Variants in SMURF2 observed in about 807,000 individuals in gnomAD.
SMURF2 encodes the protein SMAD specific E3 ubiquitin protein ligase 2.
SMURF2 carries 48 observed loss-of-function variants against 109.6 expected under a neutral mutation model. The observed-to-expected ratio is 0.44, with a 90% CI of 0.35 to 0.56. The LOEUF is 0.56. Among genes scored for constraint, SMURF2 ranks in the 20% least tolerant of loss-of-function variants. The pLI, the probability that SMURF2 is intolerant of heterozygous loss-of-function variation, is 0.01. For missense variants in SMURF2, 575 were observed against 909.0 expected (o/e 0.63, Z 4.72); for synonymous variants, 288 against 317.1 (o/e 0.91, Z 0.97).
chr17:64,587,470 CCTT>C (rs541344591), intron 5 of SMURF2, among the ~76,000 whole-genome samples: 2 of 152,284 alleles, frequency 1.3e-5, no homozygotes, highest in South Asian at 2.1e-4. Flanking sequence ...TCTCTGAAGT[CCTT>C]CTTTGCCACT....
Position 64,578,436 on chromosome 17 carries a change from A to G in SMURF2, c.857+56T>C, listed in dbSNP as rs1484323797. 3 of 1,162,260 alleles carry G rather than the reference A, an allele frequency of 2.6e-6. No homozygotes were observed. The Admixed American group carries it at 6.6e-5, about 25-fold the overall frequency. The allele number at this position is 1,162,260 out of a possible 1,614,324, so 72.0% of individuals were successfully genotyped here. On this transcript the variant is annotated intron_variant, in intron 9 of 18. Transcript: ENST00000262435. ...TAAAAATTTCTTAAAAATCAAAGAA[A>G]TCCTAGGTGAAATGGCTCTTTGATG...
intron 1 of SMURF2, among the ~76,000 whole-genome samples, chr17:64,655,814 G>T (rs1269455017): frequency 1.3e-5 from 2 of 152,124 alleles, no homozygotes; most frequent in Non-Finnish European, 2.9e-5. Context: ...AGAATCACTT[G>T]AACCCAGGGG....
chr17:64,637,172 G>A (rs1970428629), intron 1 of SMURF2, among the ~76,000 whole-genome samples: 1 of 151,482 alleles, frequency 6.6e-6, no homozygotes, highest in African/African-American at 2.4e-5. Context: ...TGTCACCCAG[G>A]CTGGAGTGCA....
chr17:64,594,268 A>C (rs2144657401), intron 3 of SMURF2, among the ~76,000 whole-genome samples: 1 of 152,370 alleles, frequency 6.6e-6, no homozygotes, highest in Middle Eastern at 3.4e-3. Context: ...TTCAATGACA[A>C]TAAGAGGTCA....
chr17:64,625,991 G>A (rs1484427842), intron 1 of SMURF2, among the ~76,000 whole-genome samples: 1 of 151,870 alleles, frequency 6.6e-6, no homozygotes, highest in Non-Finnish European at 1.5e-5. Context: ...AACAACATAG[G>A]GGCTGGGCCT....
At position 64,555,882 on chromosome 17, in the gene SMURF2, T is replaced by C. The variant is rs1555683998; in HGVS notation, c.1548A>G (p.Ser516=). Residue 516 remains serine, a synonymous_variant, in exon 14 of 19, where the codon TCA becomes TCG. Coordinates refer to ENST00000262435, the MANE Select transcript of SMURF2 (RefSeq NM_022739.4). ...LPFYKQLLGK[S]ITLDDMELVD... is the part of the protein sequence containing the mutation. ...CTAACTCCATGTCATCCAAGGTAAT[T>C]GACTTCCCAAGCAATTGCTTATAAA... 1 of 1,613,722 alleles carries C rather than the reference T, an allele frequency of 6.2e-7. No homozygotes were observed. The highest frequency in any genetic ancestry group is 1.1e-5 in the South Asian group (1 of 91,058).
chr17:64,586,794 T>C (rs1447072630), intron 5 of SMURF2, among the ~76,000 whole-genome samples: 1 of 145,684 alleles, frequency 6.9e-6, no homozygotes, highest in Non-Finnish European at 1.5e-5. Flanking sequence ...CATAACATAT[T>C]AAGGGTGTAT....
In SMURF2 at chr17:64,606,612, C is replaced by A; in HGVS notation, c.81G>T (p.Lys27Asn). ...AGTTAATTTACTTACGGAAAAAATC[C>A]TTTTTCACCAGGTTTTTTGCACAGA... ...TVLCAKNLVK[K>N]DFFRLPDPFA... The change falls in exon 2 of 19, where the codon AAG becomes AAT. Residue 27 changes from lysine (K) to asparagine (N), a missense_variant. Physicochemically the swap from Lys to Asn is moderately conservative, Grantham distance 94. Around this residue, in one of 5 missense-constraint regions of SMURF2, gnomAD observed 30 missense variants for 34.5 expected, o/e 0.87. Transcript: ENST00000262435. 1 of 1,542,614 alleles carries A rather than the reference C, an allele frequency of 6.5e-7. No individual in the cohort carries two copies. Among genetic ancestry groups the A allele is most frequent in the Non-Finnish European group, 8.8e-7 (1 of 1,137,872 alleles).
intron 13 of SMURF2, among the ~76,000 whole-genome samples, chr17:64,556,750 G>C (rs1049365693): frequency 6.6e-6 from 1 of 151,924 alleles, no homozygotes; most frequent in African/African-American, 2.4e-5. Flanking sequence ...TATATATTTG[G>C]TCTTTCGTCA....
chr17:64,620,326 T>A (rs1269288106), intron 1 of SMURF2, among the ~76,000 whole-genome samples: 1 of 152,216 alleles, frequency 6.6e-6, no homozygotes, highest in East Asian at 1.9e-4. Flanking sequence ...AGAAAAACTG[T>A]AAGTGAATGT....
At position 64,598,382 on chromosome 17, in the gene SMURF2, A is replaced by G; in HGVS notation, c.200T>C (p.Leu67Pro). The change falls in exon 3 of 19, where the codon CTG becomes CCG. Residue 67 changes from leucine to proline, a missense_variant and splice_region_variant. Around this residue, in one of 5 missense-constraint regions of SMURF2, gnomAD observed 33 missense variants for 66.0 expected, o/e 0.50. Coordinates refer to ENST00000262435, the MANE Select transcript of SMURF2 (RefSeq NM_022739.4). ...LDPKWNQHYDLYIGKSDSVTI... is the reference protein window; with the variant it reads ...LDPKWNQHYDPYIGKSDSVTI... Reference sequence around the variant, plus strand: ...TTTCAAACTAATTGTTGAAACCTACAGGTCATAATGCTGATTCCACTTTGG... The same window carrying G: ...TTTCAAACTAATTGTTGAAACCTACGGGTCATAATGCTGATTCCACTTTGG... 6.3e-7 allele frequency: 1 copy of G among 1,587,058 alleles called. No homozygotes were observed. Among genetic ancestry groups the G allele is most frequent in the Non-Finnish European group, 8.6e-7 (1 of 1,165,998 alleles).
intron 2 of SMURF2, among the ~76,000 whole-genome samples, chr17:64,606,363 TAC>T (rs1170353214): frequency 2.6e-5 from 4 of 152,136 alleles, no homozygotes; most frequent in African/African-American, 9.7e-5. Flanking sequence ...CACACCTGCA[TAC>T]ACACTCATTC....
intron 12 of SMURF2, among the ~76,000 whole-genome samples, chr17:64,559,345 C>T (rs1419980068): frequency 6.6e-6 from 1 of 152,068 alleles, no homozygotes; most frequent in East Asian, 1.9e-4. Flanking sequence ...ACTGTAATCC[C>T]AGCACTTTGG....
chr17:64,649,638 T>C (rs914935647), intron 1 of SMURF2, among the ~76,000 whole-genome samples: 1 of 151,842 alleles, frequency 6.6e-6, no homozygotes. Context: ...GATAAGGAGT[T>C]TGAGAAACAA....
At chr17:64,644,407 G>A (rs1213301271) in intron 1 of SMURF2, among the ~76,000 whole-genome samples, 12 of 143,018 alleles carry the variant, frequency 8.4e-5, no homozygotes, top group African/African-American at 3.1e-4. Context: ...CAACACATCA[G>A]AACCTCATCT....
In SMURF2 at chr17:64,581,260, G is replaced by T. The variant is rs1969575333; in HGVS notation, c.570-269C>A. ...ATAAAATCCATACGTATCTGTGGATGTGAGACTGGCTTACAAAACACTGCT... is the reference window on the plus strand; with the variant it reads ...ATAAAATCCATACGTATCTGTGGATTTGAGACTGGCTTACAAAACACTGCT... On this transcript the variant is annotated intron_variant, in intron 7 of 18. Transcript: ENST00000262435. This position sits in a 1 kb window ranked among gnomAD's most constrained non-coding sequence, Gnocchi z 4.3. 6.6e-6 allele frequency among the ~76,000 whole-genome samples: 1 copy of T among 152,192 alleles called. No homozygotes were observed. Among genetic ancestry groups the T allele is most frequent in the East Asian group, 1.9e-4 (1 of 5,198 alleles).
chr17:64,645,344 C>T (rs1263888412), intron 1 of SMURF2, among the ~76,000 whole-genome samples: 2 of 152,180 alleles, frequency 1.3e-5, no homozygotes, highest in East Asian at 3.8e-4. Context: ...CAACCCAATA[C>T]AATGTGTAGA....
chr17:64,593,165 C>G, intron 4 of SMURF2: 1 of 170,836 alleles, frequency 5.9e-6, no homozygotes, highest in Non-Finnish European at 1.2e-5. Flanking sequence ...AATGAAGCAT[C>G]AGCCCTGATT....
intron 1 of SMURF2, among the ~76,000 whole-genome samples, chr17:64,621,529 G>A (rs899864569): frequency 6.6e-6 from 1 of 150,962 alleles, no homozygotes; most frequent in Admixed American, 6.6e-5. Context: ...GCTGTGAGCC[G>A]AGATCATGCC....
Sources: gnomAD v4.1 joint callset for allele counts (sites outside exome capture counted in the v4.1 genomes callset) on GRCh38, gnomAD v4.1.1 for gene constraint, gnomAD v4.1.1 regional missense constraint, Gnocchi (gnomAD v3.1) non-coding constraint, MANE v1.5 for transcripts, NCBI Gene and HGNC (gene_info 2026-07-23, HGNC 2026-07-21) for gene names.